Variants in KLF8 observed in about 807,000 individuals in gnomAD.
KLF8 encodes the protein Krueppel-like factor 8.
KLF8 carries 10 observed loss-of-function variants against 18.2 expected under a neutral mutation model. The ratio of observed to expected loss-of-function variants is 0.55; its 90% CI spans 0.34 to 0.93. The LOEUF (loss-of-function observed/expected upper bound fraction) is 0.93, where lower values mean the gene tolerates loss of function less well. Among genes scored for constraint, KLF8 ranks in the 40% least tolerant of loss-of-function variants. The pLI is 0.02. For synonymous variants in KLF8, 109 were observed against 97.3 expected (o/e 1.12, Z -0.71); for missense variants, 264 against 277.9 (o/e 0.95, Z 0.36).
At chrX:56,181,441 T>C in the KLF8 span, among the ~76,000 whole-genome samples, 2 of 111,880 alleles carry the variant, frequency 1.8e-5, no homozygotes, top group African/African-American at 6.5e-5. Context: ...TGTTTTTCAA[T>C]TGGAGTATTT....
At chrX:56,107,828 C>T in the KLF8 span, among the ~76,000 whole-genome samples, 2 of 111,519 alleles carry the variant, frequency 1.8e-5, no homozygotes, top group African/African-American at 3.3e-5. Context: ...GCTGCAGACC[C>T]GAGCTGATCC....
chrX:56,058,899 C>T, the KLF8 span, among the ~76,000 whole-genome samples: 5 of 111,368 alleles, frequency 4.5e-5, no homozygotes, highest in South Asian at 7.6e-4. Flanking sequence ...ATGATATTTC[C>T]GGTTCTAGGT....
chrX:56,212,016 T>C, the KLF8 span, among the ~76,000 whole-genome samples: 1 of 111,333 alleles, frequency 9.0e-6, no homozygotes. Context: ...CAAGGGTACT[T>C]CATTTAGCAA....
chrX:56,234,020 T>C (rs1254628678), intron 1 of KLF8, among the ~76,000 whole-genome samples: 2 of 111,020 alleles, frequency 1.8e-5, no homozygotes, highest in African/African-American at 6.6e-5. Flanking sequence ...CTGTGATTGC[T>C]GAAGTGAATC....
At chrX:56,157,838 G>T in the KLF8 span, among the ~76,000 whole-genome samples, 9 of 111,325 alleles carry the variant, frequency 8.1e-5, no homozygotes, top group Admixed American at 8.6e-4. Context: ...CATTCTGTAG[G>T]TTGCCTGTTC....
chrX:56,113,619 AAAG>A, the KLF8 span, among the ~76,000 whole-genome samples: 2 of 107,490 alleles, frequency 1.9e-5, no homozygotes, highest in Non-Finnish European at 3.8e-5. Flanking sequence ...AAAAAGAAAA[AAAG>A]AAATGAAAAA....
the KLF8 span, among the ~76,000 whole-genome samples, chrX:55,964,290 AT>A: frequency 8.9e-6 from 1 of 112,326 alleles, no homozygotes; most frequent in Non-Finnish European, 1.9e-5. Context: ...TGAAATTGAG[AT>A]GCAAAAATTC....
chrX:56,077,121 G>A, the KLF8 span, among the ~76,000 whole-genome samples: 2 of 111,648 alleles, frequency 1.8e-5, no homozygotes, highest in African/African-American at 3.3e-5. Flanking sequence ...AGTTTCTTTG[G>A]CTGTGCAGAA....
At chrX:56,176,025 C>T in the KLF8 span, among the ~76,000 whole-genome samples, 1 of 111,842 alleles carries the variant, frequency 8.9e-6, no homozygotes, top group Non-Finnish European at 1.9e-5. Flanking sequence ...GAGTACAGCA[C>T]ACTGATGGGT....
At chrX:55,939,634 G>C in the KLF8 span, among the ~76,000 whole-genome samples, 3 of 110,501 alleles carry the variant, frequency 2.7e-5, no homozygotes, top group Non-Finnish European at 5.7e-5. Context: ...ACTAGCAAGA[G>C]TAATAAAGAA....
chrX:55,987,372 C>A, the KLF8 span, among the ~76,000 whole-genome samples: 1 of 109,584 alleles, frequency 9.1e-6, no homozygotes, highest in African/African-American at 3.3e-5. Flanking sequence ...CACAACAGGC[C>A]CCGGGGTGTG....
At chrX:56,253,247 G>T (rs2066738685) in intron 2 of KLF8, among the ~76,000 whole-genome samples, 1 of 112,068 alleles carries the variant, frequency 8.9e-6, no homozygotes, top group Non-Finnish European at 1.9e-5. Flanking sequence ...TGCTTTGGTT[G>T]CCTGTGTTTG....
the KLF8 span, among the ~76,000 whole-genome samples, chrX:56,173,120 A>T: frequency 4.5e-5 from 5 of 110,905 alleles, no homozygotes; most frequent in Non-Finnish European, 9.4e-5. Flanking sequence ...CCCATTTGTC[A>T]ATTTTGTCTT....
At chrX:55,958,825 G>T in the KLF8 span, among the ~76,000 whole-genome samples, 3 of 112,360 alleles carry the variant, frequency 2.7e-5, no homozygotes, top group African/African-American at 9.7e-5. Context: ...GAAGAGAGAC[G>T]GTTTGGGCAC....
At chrX:55,936,774 G>C in the KLF8 span, among the ~76,000 whole-genome samples, 1 of 110,990 alleles carries the variant, frequency 9.0e-6, no homozygotes, top group South Asian at 3.8e-4. Context: ...GATCCTGGCT[G>C]TTTGTTAGCA....
At chrX:56,005,130 C>A in the KLF8 span, among the ~76,000 whole-genome samples, 1 of 109,706 alleles carries the variant, frequency 9.1e-6, no homozygotes, top group Non-Finnish European at 1.9e-5. Context: ...GCAACCTCTG[C>A]CTCCCAGGTT....
At chrX:56,042,383 G>A in the KLF8 span, among the ~76,000 whole-genome samples, 1 of 111,127 alleles carries the variant, frequency 9.0e-6, no homozygotes, top group African/African-American at 3.3e-5. Context: ...TAGCAGGTCC[G>A]ACTGATTTAG....
chrX:56,084,301 TTAGCCC>T, the KLF8 span, among the ~76,000 whole-genome samples: 1 of 110,825 alleles, frequency 9.0e-6, no homozygotes, highest in East Asian at 2.8e-4. Flanking sequence ...GAGGATTGCT[TTAGCCC>T]TAGAAGTCAA....
the KLF8 span, among the ~76,000 whole-genome samples, chrX:56,147,790 C>G: frequency 8.9e-6 from 1 of 112,088 alleles, no homozygotes; most frequent in Admixed American, 9.5e-5. Flanking sequence ...ACCAGCCTGG[C>G]CAACATGGCG....
Sources: allele counts gnomAD v4.1 joint callset (sites outside exome capture counted in the v4.1 genomes callset), GRCh38; gene constraint gnomAD v4.1.1; transcripts MANE v1.5; gene names NCBI Gene and HGNC (gene_info 2026-07-23, HGNC 2026-07-21).